Variants in GRID1 observed in about 807,000 individuals in gnomAD.
GRID1 encodes the protein glutamate receptor ionotropic, delta-1.
Under a neutral mutation model 98.0 loss-of-function variants are expected in GRID1, and 28 were observed. That is an observed-to-expected ratio of 0.29 (90% CI 0.21 to 0.39). GRID1 has a LOEUF of 0.39. Among genes scored for constraint, GRID1 ranks in the 10% least tolerant of loss-of-function variants. GRID1 has a pLI of 1.00. For synonymous variants in GRID1, 553 were observed against 538.5 expected, an observed-to-expected ratio of 1.03 and a Z score of -0.37; for missense variants, 1,111 against 1,340.5, an observed-to-expected ratio of 0.83 and a Z score of 2.67.
At chr10:85,662,998 C>T (rs1215184541) in intron 12 of GRID1, among the ~76,000 whole-genome samples, 2 of 152,164 alleles carry the variant, frequency 1.3e-5, no homozygotes, top group African/African-American at 2.4e-5. Flanking sequence ...TGGTCCCTCT[C>T]GTATGCCACA....
intron 4 of GRID1, among the ~76,000 whole-genome samples, chr10:85,994,778 A>G (rs1842721886): frequency 6.6e-6 from 1 of 152,220 alleles, no homozygotes; most frequent in Non-Finnish European, 1.5e-5. Context: ...CTATGCTTTT[A>G]CAGAGACAGC....
intron 2 of GRID1, among the ~76,000 whole-genome samples, chr10:86,307,933 C>A (rs1389794418): frequency 6.6e-6 from 1 of 152,192 alleles, no homozygotes; most frequent in African/African-American, 2.4e-5. Flanking sequence ...ACGCTCTGAA[C>A]AAATTTCTAC....
chr10:86,149,643 G>A (rs984541020), intron 3 of GRID1, among the ~76,000 whole-genome samples: 9 of 152,154 alleles, frequency 5.9e-5, no homozygotes, highest in Admixed American at 2.0e-4. Context: ...TGGCACTTTC[G>A]AAAAAACACA....
chr10:86,180,222 TG>T (rs927021175), intron 3 of GRID1, among the ~76,000 whole-genome samples: 11 of 152,032 alleles, frequency 7.2e-5, no homozygotes, highest in African/African-American at 2.2e-4. Context: ...ACACCAGGGG[TG>T]GGCACCATGC....
At chr10:85,638,276 C>A in intron 13 of GRID1, among the ~76,000 whole-genome samples, 1 of 152,104 alleles carries the variant, frequency 6.6e-6, no homozygotes, top group Admixed American at 6.6e-5. Flanking sequence ...TAAGTTTTCC[C>A]TGAAATGATC....
chr10:85,716,636 T>C (rs1485644207), intron 12 of GRID1, among the ~76,000 whole-genome samples: 1 of 148,448 alleles, frequency 6.7e-6, no homozygotes, highest in Non-Finnish European at 1.5e-5. Context: ...AATGTGATTA[T>C]ATATTATATA....
rs147372716 is a variant in GRID1, at chr10:85,820,457, G to A, written c.1233+34039C>T. 3.2e-3 allele frequency among the ~76,000 whole-genome samples: 482 copies of A among 152,242 alleles called. 4 individuals are homozygous for A. The highest frequency in any genetic ancestry group is 0.011 in the African/African-American group (457 of 41,534). On this transcript the variant is annotated intron_variant, in intron 8 of 15. Coordinates refer to ENST00000327946, the MANE Select transcript of GRID1 (RefSeq NM_017551.3). ...CACTATTGGGACGCTAAGGATGTGGGAGTTCTTCATATCCTACTGCTCAAG... is the reference window on the plus strand; with the variant it reads ...CACTATTGGGACGCTAAGGATGTGGAAGTTCTTCATATCCTACTGCTCAAG...
chr10:86,048,018 G>A (rs1325548670), intron 4 of GRID1, among the ~76,000 whole-genome samples: 8 of 152,140 alleles, frequency 5.3e-5, no homozygotes, highest in Non-Finnish European at 1.2e-4. Context: ...CCCTTTGTCA[G>A]CTTCTGCTTT....
intron 2 of GRID1, among the ~76,000 whole-genome samples, chr10:86,274,861 G>A (rs956102022): frequency 4.6e-5 from 7 of 151,746 alleles, no homozygotes; most frequent in African/African-American, 1.2e-4. Flanking sequence ...CTGCAAACAG[G>A]GACAATTTGA....
intron 4 of GRID1, among the ~76,000 whole-genome samples, chr10:86,062,217 G>A (rs1431894642): frequency 6.6e-6 from 1 of 152,138 alleles, no homozygotes; most frequent in Non-Finnish European, 1.5e-5. Context: ...CTGGCTCCTG[G>A]AGCCATGTTG....
intron 2 of GRID1, among the ~76,000 whole-genome samples, chr10:86,244,373 G>T (rs1296048315): frequency 1.3e-5 from 2 of 152,190 alleles, no homozygotes; most frequent in South Asian, 2.1e-4. Context: ...AGAGGCCCCA[G>T]GCAGGCGCCA....
chr10:85,788,628 A>AGTCTCGTCATCTTCTGG (rs1842451369), intron 8 of GRID1, among the ~76,000 whole-genome samples: 1 of 152,224 alleles, frequency 6.6e-6, no homozygotes, highest in Non-Finnish European at 1.5e-5. Flanking sequence ...AGGTCTGGGA[A>AGTCTCGTCATCTTCTGG]GTCTCGTCAT....
At chr10:85,710,240 T>TA (rs1442315417) in intron 12 of GRID1, among the ~76,000 whole-genome samples, 9 of 152,072 alleles carry the variant, frequency 5.9e-5, no homozygotes, top group African/African-American at 1.4e-4. Context: ...GCTATGATAA[T>TA]AAAAAACAAT....
chr10:86,251,216 C>T (rs1033975616), intron 2 of GRID1, among the ~76,000 whole-genome samples: 1 of 151,456 alleles, frequency 6.6e-6, no homozygotes, highest in African/African-American at 2.4e-5. Context: ...GGAAGGAAGG[C>T]GGCAGGGCCC....
At chr10:85,876,377 CTCT>C (rs1364307509) in intron 5 of GRID1, among the ~76,000 whole-genome samples, 20 of 152,036 alleles carry the variant, frequency 1.3e-4, no homozygotes, top group Non-Finnish European at 2.4e-4. Context: ...GTTGCATCAC[CTCT>C]TCTTCTTTCA....
intron 8 of GRID1, among the ~76,000 whole-genome samples, chr10:85,837,874 C>T (rs1004577670): frequency 2.6e-5 from 4 of 152,102 alleles, no homozygotes; most frequent in Non-Finnish European, 2.9e-5. Context: ...CACGAAGCTA[C>T]AGGAGTAGGT....
intron 2 of GRID1, among the ~76,000 whole-genome samples, chr10:86,286,031 T>C (rs1847426307): frequency 6.6e-6 from 1 of 152,106 alleles, no homozygotes; most frequent in Non-Finnish European, 1.5e-5. Flanking sequence ...AGATATAGAT[T>C]TAAATTAGAT....
intron 3 of GRID1, among the ~76,000 whole-genome samples, chr10:86,193,983 A>G (rs1043372744): frequency 6.6e-6 from 1 of 151,996 alleles, no homozygotes; most frequent in Non-Finnish European, 1.5e-5. Context: ...CTGATTTTGG[A>G]TTTTGTCCCT....
chr10:86,229,236 C>G (rs1237215087), intron 2 of GRID1, among the ~76,000 whole-genome samples: 3 of 152,184 alleles, frequency 2.0e-5, no homozygotes, highest in Non-Finnish European at 4.4e-5. Context: ...CTAGCAAGTG[C>G]CTGGGGCCAG....
Sources: allele counts gnomAD v4.1 joint callset (sites outside exome capture counted in the v4.1 genomes callset), GRCh38; gene constraint gnomAD v4.1.1; transcripts MANE v1.5; gene names NCBI Gene and HGNC (gene_info 2026-07-23, HGNC 2026-07-21).